The following TYW3 variants were observed in gnomAD, a reference collection of about 807,000 sequenced individuals.
The protein encoded by TYW3 is tRNA-yW synthesizing protein 3 homolog.
TYW3 carries 26 observed loss-of-function variants against 23.1 expected under a neutral mutation model. The observed-to-expected ratio is 1.13, with a 90% confidence interval of 0.83 to 1.56. The LOEUF is 1.56. TYW3 is among the 40% of genes most tolerant of loss of function. The pLI is 0.00. For missense variants in TYW3, 316 were observed against 311.9 expected, an observed-to-expected ratio of 1.01 and a Z score of -0.10; for synonymous variants, 102 against 105.7, an observed-to-expected ratio of 0.97 and a Z score of 0.21.
At chr1:74,753,938 G>A in intron 5 of TYW3, among the ~76,000 whole-genome samples, 1 of 152,146 alleles carries the variant, frequency 6.6e-6, no homozygotes, top group East Asian at 1.9e-4. Context: ...GGGTACTAGA[G>A]CTTAATTTTC....
At position 74,736,402 on chromosome 1, in the gene TYW3, A is replaced by T. The variant is rs894557796; in HGVS notation, c.175-140A>T. 7 of 547,780 alleles carry T rather than the reference A, an allele frequency of 1.3e-5. No individual in the cohort carries two copies. In the African/African-American group the frequency reaches 1.4e-4, roughly 11 times the overall value. The allele number at this position is 547,780 out of a possible 1,614,324, so 33.9% of individuals were successfully genotyped here. On this transcript the variant is annotated intron_variant, in intron 1 of 5. Transcript: ENST00000370867. Reference sequence around the variant, plus strand: ...TTCTGGGTTAACATTACCCAAAAACATACCGAATTGTTTTTATTAATACTT... The same window carrying T: ...TTCTGGGTTAACATTACCCAAAAACTTACCGAATTGTTTTTATTAATACTT...
At chr1:74,736,473 C>G in intron 1 of TYW3, 69 bp from the exon 2 acceptor site, 2 of 1,101,748 alleles carry the variant, frequency 1.8e-6, no homozygotes, top group Non-Finnish European at 1.3e-6. Context: ...CTACAATATA[C>G]TATGCATTAT....
chr1:74,756,836 A>G (rs1193628503), intron 5 of TYW3, among the ~76,000 whole-genome samples: 2 of 152,180 alleles, frequency 1.3e-5, no homozygotes, highest in Non-Finnish European at 2.9e-5. Context: ...AGGAGGAAAA[A>G]GTGGTTTTGT....
chr1:74,763,933 G>A lies in TYW3; in HGVS notation c.600G>A (p.Thr200=), dbSNP rs769534519. The A allele has an allele frequency of 5.0e-6, 8 of 1,605,750 alleles. No individual in the cohort carries two copies. The East Asian group carries it at 6.7e-5, about 13-fold the overall frequency. The change falls in exon 6 of 6, where the codon ACG becomes ACA. Residue 200 remains threonine (T), a synonymous_variant. Transcript: ENST00000370867. ...TACAGCATGCTTTGGAAAGGGAAAC[G>A]ATGACTAACTTACATCCCAAGATCA... ...NCLQHALERE[T]MTNLHPKIKE...
At position 74,764,006 on chromosome 1, in the gene TYW3, G is replaced by GA; in HGVS notation, c.679dup (p.Thr227AsnfsTer8). 1.2e-6 allele frequency: 2 copies of GA among 1,611,248 alleles called. No homozygotes were observed. The highest frequency in any genetic ancestry group is 1.7e-6 in the Non-Finnish European group (2 of 1,179,192). On this transcript the variant is annotated frameshift_variant, in exon 6 of 6. Coordinates refer to ENST00000370867, the MANE Select transcript of TYW3 (RefSeq NM_138467.3). LOFTEE classifies it low-confidence loss of function (END_TRUNC). Reference sequence around the variant, plus strand: ...TATTCATAAGAAAAAAAGAAACCCAGAAAAAACACGTGCCCAGTGTATTAC... The same window carrying GA: ...TATTCATAAGAAAAAAAGAAACCCAGAAAAAAACACGTGCCCAGTGTATTAC...
intron 5 of TYW3, among the ~76,000 whole-genome samples, chr1:74,755,153 A>G (rs1253369886): frequency 6.6e-6 from 1 of 152,214 alleles, no homozygotes; most frequent in Non-Finnish European, 1.5e-5. Flanking sequence ...AAAGTAATTG[A>G]ATCCACTTTC....
chr1:74,753,216 G>A (rs1401616547), intron 5 of TYW3, among the ~76,000 whole-genome samples: 1 of 151,878 alleles, frequency 6.6e-6, no homozygotes, highest in Non-Finnish European at 1.5e-5. Flanking sequence ...CCACTCTTTT[G>A]GCTACTTCCA....
chr1:74,747,428 G>A (rs1308751115), intron 3 of TYW3, among the ~76,000 whole-genome samples: 5 of 151,838 alleles, frequency 3.3e-5, no homozygotes, highest in African/African-American at 4.8e-5. Flanking sequence ...ACGAGGTCAG[G>A]AGATCGAGAC....
At chr1:74,756,161 G>T (rs532422832) in intron 5 of TYW3, among the ~76,000 whole-genome samples, 11 of 152,236 alleles carry the variant, frequency 7.2e-5, no homozygotes, top group Admixed American at 6.5e-4. Flanking sequence ...GTCTTTATCA[G>T]CAGTGTGAAA....
chr1:74,736,623 G>T lies in TYW3; in HGVS notation c.255+1G>T. ...CAAACTTTGTGTAAAAGATGATGTG[G>T]TAAGTTTTAAAAAATAAATTTGGAA... On this transcript the variant is annotated splice_donor_variant, in intron 2 of 5. Coordinates refer to ENST00000370867, the MANE Select transcript of TYW3 (RefSeq NM_138467.3). LOFTEE classifies it high-confidence loss of function. The T allele has an allele frequency of 6.3e-7, 1 of 1,584,138 alleles. No individual in the cohort carries two copies. Among genetic ancestry groups the T allele is most frequent in the Non-Finnish European group, 8.6e-7 (1 of 1,166,292 alleles).
At position 74,738,717 on chromosome 1, in the gene TYW3, G is replaced by C; in HGVS notation, c.283G>C (p.Asp95His). The C allele has an allele frequency of 6.2e-7, 1 of 1,609,126 alleles. No individual in the cohort carries two copies. The highest frequency in any genetic ancestry group is 2.2e-5 in the East Asian group (1 of 44,826). Residue 95 changes from aspartate to histidine, a missense_variant, in exon 3 of 6, where the codon GAT (aspartate) becomes CAT (histidine). Asp to His is a moderately conservative substitution (Grantham distance 81). Coordinates refer to ENST00000370867, the MANE Select transcript of TYW3 (RefSeq NM_138467.3). ...TGTAGCTCTGAAGAAAGCAAATGGTGATGCCACTTTGAAATTTGAACCATT... is the reference window on the plus strand; with the variant it reads ...TGTAGCTCTGAAGAAAGCAAATGGTCATGCCACTTTGAAATTTGAACCATT... ...VIVALKKANGDATLKFEPFVL... is the reference protein window; with the variant it reads ...VIVALKKANGHATLKFEPFVL...
chr1:74,748,251 A>G (rs1648657215), intron 3 of TYW3, among the ~76,000 whole-genome samples: 1 of 152,234 alleles, frequency 6.6e-6, no homozygotes, highest in African/African-American at 2.4e-5. Context: ...TCTGCTCCCC[A>G]GGGCTCTCTG....
chr1:74,752,334 A>T lies in TYW3; in HGVS notation c.469A>T (p.Lys157Ter). The T allele has an allele frequency of 6.2e-7, 1 of 1,613,322 alleles. No individual in the cohort carries two copies. Among genetic ancestry groups the T allele is most frequent in the Non-Finnish European group, 8.5e-7 (1 of 1,179,620 alleles). Residue 157 changes from lysine to a stop codon, truncating the protein, a stop_gained, in exon 5 of 6, where the codon AAG becomes TAG. Transcript: ENST00000370867. LOFTEE classifies it high-confidence loss of function. ...TGGCTTAGAAGTTCCATTAAGCCATAAGGGAAAACTGATGGTGACAGAGGA... is the reference window on the plus strand; with the variant it reads ...TGGCTTAGAAGTTCCATTAAGCCATTAGGGAAAACTGATGGTGACAGAGGA... ...THGLEVPLSH[K>*]GKLMVTEEYI...
At position 74,763,997 on chromosome 1, in the gene TYW3, A is replaced by T; in HGVS notation, c.664A>T (p.Arg222Ter). 1 of 1,611,026 alleles carries T rather than the reference A, an allele frequency of 6.2e-7. No homozygotes were observed. The highest frequency in any genetic ancestry group is 8.5e-7 in the Non-Finnish European group (1 of 1,179,080). The change falls in exon 6 of 6, where the codon AGA becomes TGA. Residue 222 changes from arginine (R) to a stop codon, truncating the protein, a stop_gained. Transcript: ENST00000370867. LOFTEE classifies it low-confidence loss of function (END_TRUNC). ...NNSSYIHKKK[R>*]NPEKTRAQCI... is the part of the protein sequence containing the mutation. ...CTCATCATATATTCATAAGAAAAAA[A>T]GAAACCCAGAAAAAACACGTGCCCA...
At chr1:74,747,408 C>T (rs1396359854) in intron 3 of TYW3, among the ~76,000 whole-genome samples, 14 of 151,742 alleles carry the variant, frequency 9.2e-5, no homozygotes, top group East Asian at 1.9e-4. Context: ...GAGGCCGAGG[C>T]GGGCGGATCA....
intron 5 of TYW3, chr1:74,761,562 A>G (rs1233947884): frequency 1.3e-5 from 2 of 152,054 alleles, no homozygotes; most frequent in South Asian, 2.1e-4. Context: ...AGGTTGTATA[A>G]CAGGGATGGC....
chr1:74,755,815 A>G (rs948407948), intron 5 of TYW3, among the ~76,000 whole-genome samples: 17 of 152,210 alleles, frequency 1.1e-4, no homozygotes, highest in Non-Finnish European at 2.1e-4. Flanking sequence ...AAAAAAGAAG[A>G]GCATGAACAA....
chr1:74,747,712 T>C (rs1648617322), intron 3 of TYW3, among the ~76,000 whole-genome samples: 1 of 151,322 alleles, frequency 6.6e-6, no homozygotes, highest in African/African-American at 2.4e-5. Flanking sequence ...TATGTGTGTG[T>C]GTATATATAT....
chr1:74,738,505 A>T (rs1648231010), intron 2 of TYW3, among the ~76,000 whole-genome samples, 185 bp from the exon 3 acceptor site: 1 of 152,256 alleles, frequency 6.6e-6, no homozygotes, highest in East Asian at 1.9e-4. Context: ...TAGAAATTTT[A>T]AGAAAATAAG....
Sources: allele counts gnomAD v4.1 joint callset (sites outside exome capture counted in the v4.1 genomes callset), GRCh38; gene constraint gnomAD v4.1.1; transcripts MANE v1.5; gene names NCBI Gene and HGNC (gene_info 2026-07-23, HGNC 2026-07-21).